Variants in SLC25A16 observed in about 807,000 individuals in gnomAD.
The protein encoded by SLC25A16 is mitochondrial coenzyme A transporter SLC25A16.
Under a neutral mutation model 41.5 loss-of-function variants are expected in SLC25A16, and 39 were observed. The ratio of observed to expected loss-of-function variants is 0.94; its 90% CI spans 0.73 to 1.23. SLC25A16 has a LOEUF of 1.23. SLC25A16 is among the 50% of genes most tolerant of loss of function. The pLI, the probability that SLC25A16 is intolerant of heterozygous loss-of-function variation, is 0.00. For synonymous variants in SLC25A16, 146 were observed against 147.8 expected (o/e 0.99, Z 0.09); for missense variants, 421 against 426.9 (o/e 0.99, Z 0.12).
intron 2 of SLC25A16, among the ~76,000 whole-genome samples, chr10:68,509,762 G>GAT (rs1459079886): frequency 7.3e-6 from 1 of 137,548 alleles, no homozygotes; most frequent in Non-Finnish European, 1.6e-5. Flanking sequence ...TAGATATATA[G>GAT]ATATAGATAG....
chr10:68,482,844 T>C lies in SLC25A16; in HGVS notation c.*588A>G, dbSNP rs560576446. 2 of 152,328 alleles carry C rather than the reference T, an allele frequency of 1.3e-5. No individual in the cohort carries two copies. Among genetic ancestry groups the C allele is most frequent in the East Asian group, 3.9e-4 (2 of 5,190 alleles). The allele number at this position is 152,328 out of a possible 1,614,324, so 9.4% of individuals were successfully genotyped here. ...CATCCCACCATGTCCAGCTTCTTCA[T>C]TTATTTTTGTGTCTCTACATGGCTA... On this transcript the variant is annotated 3_prime_UTR_variant, in exon 9 of 9. Coordinates refer to ENST00000609923, the MANE Select transcript of SLC25A16 (RefSeq NM_152707.4).
At chr10:68,506,505 T>C in intron 3 of SLC25A16, 80 bp downstream of exon 3, 1 of 960,662 alleles carries the variant, frequency 1.0e-6, no homozygotes, top group Non-Finnish European at 1.4e-6. Flanking sequence ...TTACATATTT[T>C]TAAATGTCCA....
chr10:68,518,435 A>T (rs1160753500), intron 1 of SLC25A16, among the ~76,000 whole-genome samples: 2 of 151,940 alleles, frequency 1.3e-5, no homozygotes, highest in Non-Finnish European at 2.9e-5. Context: ...AAAAAAGAAA[A>T]CACAAATAAA....
In SLC25A16 at chr10:68,487,218, A is replaced by T; in HGVS notation, c.774-6T>A. ...GAGTCACATCAAATGGGTAGCTAAA[A>T]GAAGAAAAAGGCATAAAGAATTAAA... is the stretch of plus-strand genomic sequence containing the variant. On this transcript the variant is annotated splice_region_variant and splice_polypyrimidine_tract_variant and intron_variant, in intron 7 of 8. Transcript: ENST00000609923. 1 of 1,612,694 alleles carries T rather than the reference A, an allele frequency of 6.2e-7. No homozygotes were observed. The highest frequency in any genetic ancestry group is 8.5e-7 in the Non-Finnish European group (1 of 1,179,138).
chr10:68,479,333 A>G lies in SLC25A16; in HGVS notation c.*4099T>C, dbSNP rs1264564498. 6.6e-6 allele frequency: 1 copy of G among 152,186 alleles called. No homozygotes were observed. Among genetic ancestry groups the G allele is most frequent in the Non-Finnish European group, 1.5e-5 (1 of 68,046 alleles). 9.4% of individuals were successfully genotyped at this position (152,186 alleles called of 1,614,324 possible). On this transcript the variant is annotated 3_prime_UTR_variant, in exon 9 of 9. Coordinates refer to ENST00000609923, the MANE Select transcript of SLC25A16 (RefSeq NM_152707.4). ...TGGGGACACTGATAAACAGGCAGTT[A>G]GCAGAAAGTGTGGCACATACTCTAT...
chr10:68,493,032 T>G, intron 6 of SLC25A16, 100 bp downstream of exon 6: 1 of 723,946 alleles, frequency 1.4e-6, no homozygotes, highest in Non-Finnish European at 2.4e-6. Context: ...TAAAAGTACT[T>G]AACAGATAAC....
In SLC25A16 at chr10:68,483,547, C is replaced by A; in HGVS notation, c.884G>T (p.Gly295Val). 6.2e-7 allele frequency: 1 copy of A among 1,611,414 alleles called. No individual in the cohort carries two copies. The highest frequency in any genetic ancestry group is 1.1e-5 in the South Asian group (1 of 90,560). Residue 295 changes from glycine to valine, a missense_variant, in exon 9 of 9, where the codon GGA becomes GTA. Physicochemically the swap from Gly to Val is moderately radical, Grantham distance 109. Transcript: ENST00000609923. ...ACCACGATAGAGTCCTTTTCGAATT[C>A]CATGGTGTCCATAGACATACTTCAT... ...DTMKYVYGHH[G>V]IRKGLYRGLS...
At chr10:68,500,059 G>T in intron 4 of SLC25A16, 1 of 273,280 alleles carries the variant, frequency 3.7e-6, no homozygotes, top group African/African-American at 2.2e-5. Context: ...CCTTTTGCTG[G>T]CCAACTGAGA....
At chr10:68,488,086 G>C (rs917566136) in intron 7 of SLC25A16, among the ~76,000 whole-genome samples, 2 of 152,014 alleles carry the variant, frequency 1.3e-5, no homozygotes, top group Non-Finnish European at 1.5e-5. Context: ...TCTTGACCTT[G>C]TGATCCACCC....
At chr10:68,513,135 C>T (rs2053096026) in intron 2 of SLC25A16, among the ~76,000 whole-genome samples, 1 of 151,168 alleles carries the variant, frequency 6.6e-6, no homozygotes, top group Non-Finnish European at 1.5e-5. Flanking sequence ...CACTTGAAGT[C>T]ATGAGTTGCA....
chr10:68,514,189 T>C (rs954277978), intron 2 of SLC25A16, among the ~76,000 whole-genome samples: 1 of 151,904 alleles, frequency 6.6e-6, no homozygotes, highest in Non-Finnish European at 1.5e-5. Context: ...AGCAAGACTT[T>C]GTCTCAAAAA....
chr10:68,508,178 C>T (rs755310402), intron 2 of SLC25A16, among the ~76,000 whole-genome samples: 1 of 152,068 alleles, frequency 6.6e-6, no homozygotes, highest in Non-Finnish European at 1.5e-5. Flanking sequence ...CACCACTACA[C>T]TCCAGCCTGG....
intron 1 of SLC25A16, among the ~76,000 whole-genome samples, chr10:68,523,784 T>G (rs1479702795): frequency 6.6e-6 from 1 of 152,134 alleles, no homozygotes; most frequent in African/African-American, 2.4e-5. Context: ...CTAAATGTCA[T>G]TTTATCAGCA....
chr10:68,524,661 T>C (rs1433451572), intron 1 of SLC25A16, among the ~76,000 whole-genome samples: 1 of 144,928 alleles, frequency 6.9e-6, no homozygotes, highest in Non-Finnish European at 1.5e-5. Context: ...TGAGCCGAGA[T>C]TGCGCCACTG....
At chr10:68,488,070 T>G (rs1189525828) in intron 7 of SLC25A16, among the ~76,000 whole-genome samples, 1 of 152,126 alleles carries the variant, frequency 6.6e-6, no homozygotes, top group Non-Finnish European at 1.5e-5. Context: ...CCAGATGGTC[T>G]CAATCTCTTG....
At chr10:68,516,872 A>T (rs188923279) in intron 1 of SLC25A16, 29 bp from the exon 2 acceptor site, 1 of 1,495,360 alleles carries the variant, frequency 6.7e-7, no homozygotes, top group Admixed American at 1.7e-5. Context: ...GTCAGGAAGA[A>T]ATTGCGTACC....
chr10:68,497,646 T>C (rs1446244865), intron 4 of SLC25A16, among the ~76,000 whole-genome samples: 3 of 151,528 alleles, frequency 2.0e-5, no homozygotes, highest in Non-Finnish European at 4.4e-5. Flanking sequence ...AGATGGAGTC[T>C]TGTTCTGTTA....
At chr10:68,516,170 A>G (rs2053158211) in intron 2 of SLC25A16, among the ~76,000 whole-genome samples, 1 of 152,188 alleles carries the variant, frequency 6.6e-6, no homozygotes. Flanking sequence ...TTTTGCAGAA[A>G]GGGTATACTC....
At chr10:68,520,266 G>C (rs1388073839) in intron 1 of SLC25A16, among the ~76,000 whole-genome samples, 1 of 151,840 alleles carries the variant, frequency 6.6e-6, no homozygotes, top group Non-Finnish European at 1.5e-5. Flanking sequence ...CTATTTAATA[G>C]TATCTTAACT....
Sources: allele counts gnomAD v4.1 joint callset (sites outside exome capture counted in the v4.1 genomes callset), GRCh38; gene constraint gnomAD v4.1.1; transcripts MANE v1.5; gene names NCBI Gene and HGNC (gene_info 2026-07-23, HGNC 2026-07-21).